CSMD1: variants seen among roughly 807,000 people sequenced by gnomAD.
The protein encoded by CSMD1 is CUB and Sushi multiple domains 1, also known as CUB and sushi domain-containing protein 1.
Under a neutral mutation model 417.5 loss-of-function variants are expected in CSMD1, and 213 were observed. The ratio of observed to expected loss-of-function variants is 0.51; its 90% confidence interval spans 0.46 to 0.57. The LOEUF is 0.57. CSMD1 is among the 20% of genes least tolerant of loss of function. CSMD1 has a pLI of 0.00. For synonymous variants in CSMD1, 2,862 were observed against 1,736.8 expected, an observed-to-expected ratio of 1.65 and a Z score of -16.11; for missense variants, 6,923 against 4,529.7, an observed-to-expected ratio of 1.53 and a Z score of -15.17.
At chr8:4,444,644 T>G (rs1798675023) in intron 2 of CSMD1, among the ~76,000 whole-genome samples, 1 of 152,166 alleles carries the variant, frequency 6.6e-6, no homozygotes, top group Non-Finnish European at 1.5e-5. Flanking sequence ...GTTATTATCA[T>G]TCAGGGCATG....
intron 5 of CSMD1, among the ~76,000 whole-genome samples, chr8:3,775,667 A>T (rs1236963553): frequency 1.3e-5 from 2 of 152,184 alleles, no homozygotes; most frequent in East Asian, 1.9e-4. Flanking sequence ...TCGGGGAGAG[A>T]GCCCAACACA....
At chr8:4,032,675 T>C (rs1391174731) in intron 3 of CSMD1, among the ~76,000 whole-genome samples, 1 of 152,354 alleles carries the variant, frequency 6.6e-6, no homozygotes, top group Non-Finnish European at 1.5e-5. Context: ...GTTCCACTAC[T>C]GTATTCCAGG....
At position 4,943,223 on chromosome 8, in the gene CSMD1, C is replaced by T. The variant is rs377072731; in HGVS notation, c.85+51109G>A. On this transcript the variant is annotated intron_variant, in intron 1 of 69. Coordinates refer to ENST00000635120, the MANE Select transcript of CSMD1 (RefSeq NM_033225.6). ...TTTATTTGAAAATCATGGCCGGGTG[C>T]AGTGGCTCATGCTTGTAATCCCAGC... Among the ~76,000 whole-genome samples the T allele has an allele frequency of 2.6e-5, 4 of 152,248 alleles. 1 individual carries two copies. Among genetic ancestry groups the T allele is most frequent in the African/African-American group, 9.6e-5 (4 of 41,540 alleles).
intron 3 of CSMD1, among the ~76,000 whole-genome samples, chr8:4,078,796 G>A (rs982412167): frequency 6.7e-6 from 1 of 149,254 alleles, no homozygotes; most frequent in East Asian, 2.0e-4. Context: ...AGCACTTTGG[G>A]AGGCCAAGGC....
intron 3 of CSMD1, among the ~76,000 whole-genome samples, chr8:4,036,213 T>G (rs1412707388): frequency 2.0e-5 from 3 of 152,158 alleles, no homozygotes; most frequent in African/African-American, 7.2e-5. Context: ...CACCTAAGGA[T>G]GCATTTCTCA....
At chr8:4,964,412 G>C (rs1427653346) in intron 1 of CSMD1, among the ~76,000 whole-genome samples, 2 of 148,820 alleles carry the variant, frequency 1.3e-5, no homozygotes, top group Admixed American at 6.8e-5. Flanking sequence ...CCAGCTACCT[G>C]GGAAGCTGAG....
chr8:4,754,364 C>A (rs1811534375), intron 1 of CSMD1, among the ~76,000 whole-genome samples: 1 of 152,086 alleles, frequency 6.6e-6, no homozygotes, highest in African/African-American at 2.4e-5. Flanking sequence ...CAGCGCTATC[C>A]CACCCACATC....
At chr8:4,446,936 T>A (rs1284063765) in intron 2 of CSMD1, among the ~76,000 whole-genome samples, 14 of 141,880 alleles carry the variant, frequency 9.9e-5, no homozygotes, top group South Asian at 4.5e-4. Context: ...CGTGTTTATT[T>A]AAAAAAAAAA....
At chr8:3,991,110 C>T (rs564883746) in intron 5 of CSMD1, among the ~76,000 whole-genome samples, 8 of 152,244 alleles carry the variant, frequency 5.3e-5, no homozygotes, top group Admixed American at 2.6e-4. Context: ...GGCCACGAGC[C>T]GAGAGAAAAG....
intron 6 of CSMD1, among the ~76,000 whole-genome samples, chr8:3,740,539 G>A (rs1474726850): frequency 6.6e-6 from 1 of 152,200 alleles, no homozygotes; most frequent in Non-Finnish European, 1.5e-5. Flanking sequence ...CAGACGGAAA[G>A]GAGAAGGATT....
intron 3 of CSMD1, among the ~76,000 whole-genome samples, chr8:4,190,611 G>A (rs987439197): frequency 2.4e-4 from 36 of 151,422 alleles, no homozygotes; most frequent in African/African-American, 7.5e-4. Flanking sequence ...TGGAATGGAA[G>A]CTCAAAGGGG....
chr8:3,453,677 C>G (rs762005508), intron 12 of CSMD1, among the ~76,000 whole-genome samples: 2 of 152,114 alleles, frequency 1.3e-5, no homozygotes, highest in South Asian at 2.1e-4. Context: ...GTCTGAGAGA[C>G]AGTTTGTTAT....
intron 3 of CSMD1, among the ~76,000 whole-genome samples, chr8:4,071,975 C>A (rs1738857873): frequency 6.6e-6 from 1 of 152,176 alleles, no homozygotes; most frequent in Admixed American, 6.5e-5. Context: ...TAGAGCTCTC[C>A]TTTCTGGGAT....
At chr8:4,489,449 A>G (rs1346942147) in intron 2 of CSMD1, among the ~76,000 whole-genome samples, 1 of 152,214 alleles carries the variant, frequency 6.6e-6, no homozygotes, top group Non-Finnish European at 1.5e-5. Context: ...ATGTTCAAAA[A>G]CTATAAAATG....
At chr8:3,077,527 G>A (rs889955264) in intron 49 of CSMD1, among the ~76,000 whole-genome samples, 1 of 152,172 alleles carries the variant, frequency 6.6e-6, no homozygotes, top group African/African-American at 2.4e-5. Context: ...CCTCATCCTG[G>A]CTGGCAGGTC....
chr8:3,443,281 A>T (rs1435649309), intron 12 of CSMD1, among the ~76,000 whole-genome samples: 1 of 152,194 alleles, frequency 6.6e-6, no homozygotes, highest in Non-Finnish European at 1.5e-5. Context: ...CTGATTGAAT[A>T]AACTGTGGCC....
At chr8:3,031,480 T>A (rs529710797) in intron 50 of CSMD1, among the ~76,000 whole-genome samples, 31 of 150,702 alleles carry the variant, frequency 2.1e-4, no homozygotes, top group African/African-American at 6.7e-4. Flanking sequence ...TAAAAAAAAA[T>A]TATTTTTAAT....
intron 3 of CSMD1, among the ~76,000 whole-genome samples, chr8:4,279,675 A>C (rs1283534548): frequency 6.6e-6 from 1 of 152,196 alleles, no homozygotes; most frequent in Non-Finnish European, 1.5e-5. Context: ...TCAACTTATA[A>C]TTAGCCAACT....
chr8:4,071,922 A>C (rs1350743795), intron 3 of CSMD1, among the ~76,000 whole-genome samples: 1 of 152,170 alleles, frequency 6.6e-6, no homozygotes, highest in Non-Finnish European at 1.5e-5. Context: ...CAAGAGTCAA[A>C]GTCTGGGCAG....
Sources: gnomAD v4.1 joint callset for allele counts (sites outside exome capture counted in the v4.1 genomes callset) on GRCh38, gnomAD v4.1.1 for gene constraint, MANE v1.5 for transcripts, NCBI Gene and HGNC (gene_info 2026-07-23, HGNC 2026-07-21) for gene names.